The following AP1G1 variants were observed in gnomAD, a reference collection of about 807,000 sequenced individuals.
AP1G1 encodes AP-1 complex subunit gamma-1.
In AP1G1, 7 loss-of-function variants were observed where a neutral mutation model predicts 108.3. That is an observed-to-expected ratio of 0.06 (90% confidence interval 0.04 to 0.12). AP1G1 has a LOEUF of 0.12. Ranked by LOEUF, AP1G1 falls within the 10% of genes least tolerant of loss-of-function variation. AP1G1 has a pLI of 1.00. For synonymous variants in AP1G1, 379 were observed against 353.5 expected (o/e 1.07, Z -0.81); for missense variants, 756 against 1,010.7 (o/e 0.75, Z 3.42).
intron 1 of AP1G1, among the ~76,000 whole-genome samples, chr16:71,802,058 T>C: frequency 6.6e-6 from 1 of 152,172 alleles, no homozygotes; most frequent in Non-Finnish European, 1.5e-5. Flanking sequence ...GAAACATTTC[T>C]GGTCTCAAGC....
chr16:71,767,904 C>T (rs1426025829), intron 6 of AP1G1: 1 of 1,598,832 alleles, frequency 6.3e-7, no homozygotes, highest in South Asian at 1.1e-5. Flanking sequence ...CAGCAGGATT[C>T]CAAACAGACA....
At chr16:71,792,233 T>C (rs984786295) in intron 1 of AP1G1, among the ~76,000 whole-genome samples, 4 of 152,174 alleles carry the variant, frequency 2.6e-5, no homozygotes, top group African/African-American at 9.7e-5. Flanking sequence ...AGTTTCAGTA[T>C]GGCAGGTTGA....
At chr16:71,774,981 A>G (rs1011477722) in intron 2 of AP1G1, among the ~76,000 whole-genome samples, 1 of 147,338 alleles carries the variant, frequency 6.8e-6, no homozygotes, top group Non-Finnish European at 1.5e-5. Context: ...TTGGCCTCCC[A>G]AAGTGCTGGG....
At chr16:71,758,313 G>A (rs890388271) in intron 11 of AP1G1, 3 of 437,542 alleles carry the variant, frequency 6.9e-6, no homozygotes, top group African/African-American at 6.0e-5. Context: ...TTTTGAGAGT[G>A]CTACCTGCTG....
intron 6 of AP1G1, among the ~76,000 whole-genome samples, chr16:71,766,065 T>C (rs1221664644): frequency 1.3e-5 from 2 of 151,868 alleles, no homozygotes; most frequent in South Asian, 2.1e-4. Flanking sequence ...GAGAAAAAAA[T>C]CTCTTCTCTT....
chr16:71,745,419 A>G (rs2030121396), intron 18 of AP1G1, 54 bp downstream of exon 18: 2 of 1,613,286 alleles, frequency 1.2e-6, no homozygotes, highest in Non-Finnish European at 1.7e-6. Flanking sequence ...GACAAGCTGT[A>G]AGGGACTATA....
rs55761928 is a variant in AP1G1 at position 71,794,835 on chromosome 16, C to CTTTTTTTTTTTTTTTTT, written c.-3-5370_-3-5354dup. Among the ~76,000 whole-genome samples, 142 of 39,660 alleles carry CTTTTTTTTTTTTTTTTT rather than the reference C, an allele frequency of 3.6e-3. 11 individuals are homozygous for CTTTTTTTTTTTTTTTTT. The highest frequency in any genetic ancestry group is 4.1e-3 in the African/African-American group (39 of 9,546). The allele number at this position is 39,660 out of a possible 152,430, so 26.0% of individuals were successfully genotyped here. On this transcript the variant is annotated intron_variant, in intron 1 of 22. Transcript: ENST00000299980. The stretch of plus-strand genomic sequence containing the variant: ...TACCATTCTCAGGCCATGAGAAGTG[C>CTTTTTTTTTTTTTTTTT]TTTTTTTTTTTTTTTTTTTTTTTTT...
At chr16:71,743,602 C>CA (rs60790948) in intron 19 of AP1G1, 5,859 of 113,708 alleles carry the variant, frequency 0.052, 384 homozygotes, top group African/African-American at 0.17. Context: ...GACTCTGTCT[C>CA]AAAAAAAAAA....
intron 13 of AP1G1, among the ~76,000 whole-genome samples, chr16:71,750,904 C>T (rs1027402281): frequency 1.3e-5 from 2 of 151,656 alleles, no homozygotes; most frequent in Non-Finnish European, 2.9e-5. Context: ...CGCCTGTAAT[C>T]CCAGCACTTT....
intron 17 of AP1G1, 100 bp from the exon 18 acceptor site, chr16:71,745,714 T>G: frequency 1.0e-6 from 1 of 967,712 alleles, no homozygotes; most frequent in Non-Finnish European, 1.6e-6. Context: ...TGGAGATCTA[T>G]CTCCCCTCCC....
chr16:71,766,615 T>C (rs1259752613), intron 6 of AP1G1, among the ~76,000 whole-genome samples: 1 of 151,966 alleles, frequency 6.6e-6, no homozygotes, highest in Non-Finnish European at 1.5e-5. Flanking sequence ...CAGGCAATTT[T>C]AGCTACAACT....
intron 2 of AP1G1, among the ~76,000 whole-genome samples, chr16:71,788,930 T>C (rs1230170168): frequency 6.6e-6 from 1 of 152,128 alleles, no homozygotes; most frequent in African/African-American, 2.4e-5. Flanking sequence ...TAGCTGGGAT[T>C]ACAGGCACAA....
intron 2 of AP1G1, among the ~76,000 whole-genome samples, chr16:71,781,799 T>C (rs75218563): frequency 0.11 from 17,024 of 152,270 alleles, 1,325 homozygotes; most frequent in South Asian, 0.38. Context: ...AATACTCTTA[T>C]ACATACATGT....
chr16:71,734,524 A>G lies in AP1G1; in HGVS notation c.2367+85T>C, dbSNP rs2045509650. 4.4e-6 allele frequency: 5 copies of G among 1,141,940 alleles called. No homozygotes were observed. The Admixed American group carries it at 8.7e-5, about 20-fold the overall frequency. 70.7% of individuals were successfully genotyped at this position (1,141,940 alleles called of 1,614,324 possible). A position where few individuals can be genotyped will look rare whatever the true frequency, so the allele number is the denominator to read the frequency against. ...TCTCTTCTCTAACTATGAGTCAGAA[A>G]AACCTAAAGAAACAAAGCAGAATTT... On this transcript the variant is annotated intron_variant, in intron 22 of 22. Transcript: ENST00000299980.
At chr16:71,745,440 A>T in intron 18 of AP1G1, 33 bp downstream of exon 18, 1 of 1,613,850 alleles carries the variant, frequency 6.2e-7, no homozygotes, top group South Asian at 1.1e-5. Flanking sequence ...AAATCGTAAG[A>T]AGCCCCAGAT....
At chr16:71,769,533 TTTCA>T in intron 6 of AP1G1, 86 bp downstream of exon 6, 1 of 1,306,602 alleles carries the variant, frequency 7.7e-7, no homozygotes, top group Non-Finnish European at 1.1e-6. Context: ...CATAGCTTGC[TTTCA>T]AAAAAAAATA....
Position 71,765,602 on chromosome 16 carries a change from G to C in AP1G1, c.643-18C>G. ...GGCACAAGCTGCAGAGAAGAAAGAT[G>C]CATCAAAAAACAGTGAATATTGAAG... On this transcript the variant is annotated intron_variant, in intron 6 of 22. Transcript: ENST00000299980. 1 of 1,580,040 alleles carries C rather than the reference G, an allele frequency of 6.3e-7. No individual in the cohort carries two copies. Among genetic ancestry groups the C allele is most frequent in the Non-Finnish European group, 8.7e-7 (1 of 1,149,450 alleles).
At position 71,734,148 on chromosome 16, in the gene AP1G1, G is replaced by A. The variant is rs151070165; in HGVS notation, c.2367+461C>T. On this transcript the variant is annotated intron_variant, in intron 22 of 22. Transcript: ENST00000299980. ...CTGAAAACCAACTGATTACTATTAAGGTGAGCTTATTTCTTTGAGAAGAGA... is the reference window on the plus strand; with the variant it reads ...CTGAAAACCAACTGATTACTATTAAAGTGAGCTTATTTCTTTGAGAAGAGA... 1.3e-3 allele frequency among the ~76,000 whole-genome samples: 197 copies of A among 152,218 alleles called. 1 individual carries two copies. Among genetic ancestry groups the A allele is most frequent in the African/African-American group, 4.4e-3 (182 of 41,542 alleles).
At chr16:71,769,870 T>C (rs1310116802) in intron 5 of AP1G1, among the ~76,000 whole-genome samples, 171 bp from the exon 6 acceptor site, 1 of 152,248 alleles carries the variant, frequency 6.6e-6, no homozygotes, top group Non-Finnish European at 1.5e-5. Flanking sequence ...ACTTAATAGA[T>C]GCCTGATTTA....
Sources: gnomAD v4.1 joint callset for allele counts (sites outside exome capture counted in the v4.1 genomes callset) on GRCh38, gnomAD v4.1.1 for gene constraint, MANE v1.5 for transcripts, NCBI Gene and HGNC (gene_info 2026-07-23, HGNC 2026-07-21) for gene names.